The following ZNF704 variants were observed in gnomAD, a reference collection of about 807,000 sequenced individuals.
ZNF704 encodes the protein zinc finger protein 704.
ZNF704 carries 10 observed loss-of-function variants against 44.7 expected under a neutral mutation model. The observed-to-expected ratio is 0.22, with a 90% confidence interval of 0.14 to 0.38. The LOEUF is 0.38. Among genes scored for constraint, ZNF704 ranks in the 10% least tolerant of loss-of-function variants. The pLI, the probability that ZNF704 is intolerant of heterozygous loss-of-function variation, is 1.00. For missense variants in ZNF704, 390 were observed against 545.5 expected (o/e 0.71, Z 2.84); for synonymous variants, 211 against 207.6 (o/e 1.02, Z -0.14).
intron 1 of ZNF704, among the ~76,000 whole-genome samples, chr8:80,829,015 A>T (rs1361672211): frequency 6.6e-6 from 1 of 152,214 alleles, no homozygotes; most frequent in Non-Finnish European, 1.5e-5. Context: ...CCAGCTCCAC[A>T]GGAAGATTGT....
At chr8:80,666,508 T>C (rs1252607834) in intron 5 of ZNF704, among the ~76,000 whole-genome samples, 3 of 144,134 alleles carry the variant, frequency 2.1e-5, no homozygotes, top group Admixed American at 1.4e-4. Flanking sequence ...TCAAATGGTA[T>C]TTCTAGTTCT....
intron 2 of ZNF704, among the ~76,000 whole-genome samples, chr8:80,720,601 G>A (rs1199603183): frequency 6.6e-6 from 1 of 151,982 alleles, no homozygotes; most frequent in Non-Finnish European, 1.5e-5. Flanking sequence ...CCCTTTTTTT[G>A]TTCTAAGCCA....
chr8:80,699,770 C>T (rs1163884629), intron 2 of ZNF704, among the ~76,000 whole-genome samples: 1 of 152,084 alleles, frequency 6.6e-6, no homozygotes, highest in Non-Finnish European at 1.5e-5. Context: ...GAAAAGACTC[C>T]CTCCTGTCCC....
At chr8:80,655,406 T>C (rs1585926767) in intron 7 of ZNF704, among the ~76,000 whole-genome samples, 1 of 152,060 alleles carries the variant, frequency 6.6e-6, no homozygotes, top group Non-Finnish European at 1.5e-5. Flanking sequence ...AATTATAGTC[T>C]GTAAAAATTG....
chr8:80,877,242 A>G (rs1318510976), upstream of ZNF704, among the ~76,000 whole-genome samples: 3 of 151,242 alleles, frequency 2.0e-5, no homozygotes, highest in Admixed American at 6.6e-5. Context: ...AAACCATTAA[A>G]TGAAGGCTAA....
intron 2 of ZNF704, among the ~76,000 whole-genome samples, chr8:80,708,402 T>C (rs2131654722): frequency 6.6e-6 from 1 of 152,294 alleles, no homozygotes; most frequent in African/African-American, 2.4e-5. Context: ...TTTCGTGTAA[T>C]AGGAGGTGGA....
chr8:80,731,645 G>A (rs1156759154), intron 2 of ZNF704, among the ~76,000 whole-genome samples: 2 of 152,072 alleles, frequency 1.3e-5, no homozygotes, highest in Non-Finnish European at 2.9e-5. Context: ...TGTGCCTATA[G>A]TCCCAGCTAC....
chr8:80,740,489 T>C (rs948005776), intron 2 of ZNF704, among the ~76,000 whole-genome samples: 5 of 152,162 alleles, frequency 3.3e-5, no homozygotes, highest in African/African-American at 1.2e-4. Flanking sequence ...GCCCAAGGCC[T>C]AGTAAAACCA....
intron 1 of ZNF704, among the ~76,000 whole-genome samples, chr8:80,855,635 G>A (rs1004472106): frequency 4.6e-5 from 7 of 152,168 alleles, no homozygotes; most frequent in Non-Finnish European, 8.8e-5. Flanking sequence ...TGGGGTAAGA[G>A]GTGGATGATG....
intron 1 of ZNF704, among the ~76,000 whole-genome samples, chr8:80,839,484 G>T (rs1336537197): frequency 6.6e-6 from 1 of 152,188 alleles, no homozygotes; most frequent in Non-Finnish European, 1.5e-5. Context: ...CTGCACAGAT[G>T]ACTAAATAAA....
intron 4 of ZNF704, among the ~76,000 whole-genome samples, chr8:80,678,521 T>A (rs554464722): frequency 6.6e-6 from 1 of 152,182 alleles, no homozygotes; most frequent in Non-Finnish European, 1.5e-5. Context: ...CCTATAACTT[T>A]GAGCCAATTC....
intron 2 of ZNF704, among the ~76,000 whole-genome samples, chr8:80,821,034 T>G (rs934015844): frequency 1.3e-4 from 20 of 152,272 alleles, no homozygotes; most frequent in Admixed American, 7.8e-4. Context: ...ACACTTGCTT[T>G]GAAGTGGCTA....
At chr8:80,683,927 T>C (rs1008983512) in intron 4 of ZNF704, among the ~76,000 whole-genome samples, 1 of 152,178 alleles carries the variant, frequency 6.6e-6, no homozygotes, top group Admixed American at 6.5e-5. Flanking sequence ...GCTTCCATAA[T>C]AATGACAAAG....
intron 2 of ZNF704, among the ~76,000 whole-genome samples, chr8:80,716,788 A>T (rs1819079076): frequency 6.6e-6 from 1 of 152,248 alleles, no homozygotes. Flanking sequence ...TCAAGAATCT[A>T]TTCAGACTGG....
chr8:80,702,954 G>A (rs2131646311), intron 2 of ZNF704, among the ~76,000 whole-genome samples: 1 of 152,210 alleles, frequency 6.6e-6, no homozygotes, highest in East Asian at 1.9e-4. Context: ...AGTTAAGGAA[G>A]CGGGAGGTGG....
chr8:80,741,992 C>T (rs537578292), intron 2 of ZNF704, among the ~76,000 whole-genome samples: 2 of 152,236 alleles, frequency 1.3e-5, no homozygotes, highest in East Asian at 3.9e-4. Context: ...GTATGCTTAC[C>T]TAGTCCTCCA....
intron 2 of ZNF704, among the ~76,000 whole-genome samples, chr8:80,803,326 G>T (rs541244412): frequency 6.6e-6 from 1 of 152,080 alleles, no homozygotes; most frequent in Non-Finnish European, 1.5e-5. Flanking sequence ...CACAGAATTA[G>T]AAAAAACTAT....
intron 2 of ZNF704, among the ~76,000 whole-genome samples, chr8:80,696,931 G>C (rs1818735674): frequency 6.6e-6 from 1 of 152,190 alleles, no homozygotes; most frequent in Admixed American, 6.5e-5. Context: ...TCCATTTGTG[G>C]TGTCACGTTG....
intron 1 of ZNF704, among the ~76,000 whole-genome samples, chr8:80,830,052 A>G (rs982190340): frequency 6.6e-6 from 1 of 152,140 alleles, no homozygotes; most frequent in Non-Finnish European, 1.5e-5. Flanking sequence ...TCTTTTATTC[A>G]TATCAATTAT....
Sources: allele counts gnomAD v4.1 joint callset (sites outside exome capture counted in the v4.1 genomes callset), GRCh38; gene constraint gnomAD v4.1.1; transcripts MANE v1.5; gene names NCBI Gene and HGNC (gene_info 2026-07-23, HGNC 2026-07-21).